Variants in ZBTB8B observed in about 807,000 individuals in gnomAD.
The protein encoded by ZBTB8B is zinc finger and BTB domain-containing protein 8B.
A neutral mutation model predicts 30.3 loss-of-function variants in ZBTB8B; 17 were observed. The observed-to-expected ratio is 0.56, with a 90% confidence interval of 0.38 to 0.84. The LOEUF is 0.84. ZBTB8B is among the 40% of genes least tolerant of loss of function. ZBTB8B has a pLI of 0.00. For missense variants in ZBTB8B, 515 were observed against 644.9 expected (o/e 0.80, Z 2.18); for synonymous variants, 248 against 255.6 (o/e 0.97, Z 0.28).
rs1260201449 is a variant in ZBTB8B, at chr1:32,490,971, G to A, written c.*5553G>A. The stretch of plus-strand genomic sequence containing the variant: ...ACATGGAAACTTCATAACTGAAGGA[G>A]AACATTTAGCATCCGTCTTGACCCT... On this transcript the variant is annotated 3_prime_UTR_variant, in exon 4 of 4. Coordinates refer to ENST00000609129, the MANE Select transcript of ZBTB8B (RefSeq NM_001145720.2). 1 of 152,186 alleles carries A rather than the reference G, an allele frequency of 6.6e-6. No individual in the cohort carries two copies. The highest frequency in any genetic ancestry group is 1.5e-5 in the Non-Finnish European group (1 of 68,040). The allele number at this position is 152,186 out of a possible 1,614,324, so 9.4% of individuals were successfully genotyped here.
chr1:32,489,083 C>T lies in ZBTB8B; in HGVS notation c.*3665C>T, dbSNP rs1009216060. On this transcript the variant is annotated 3_prime_UTR_variant, in exon 4 of 4. Coordinates refer to ENST00000609129, the MANE Select transcript of ZBTB8B (RefSeq NM_001145720.2). ...AAGTGCTGGGATTACAGGCGTGAGC[C>T]ACCGTGCCTGGCTGACCTTCATAAT... 1 of 152,272 alleles carries T rather than the reference C, an allele frequency of 6.6e-6. No individual in the cohort carries two copies. Among genetic ancestry groups the T allele is most frequent in the African/African-American group, 2.4e-5 (1 of 41,450 alleles). The allele number at this position is 152,272 out of a possible 1,614,324, so 9.4% of individuals were successfully genotyped here. A position where few individuals can be genotyped will look rare whatever the true frequency, so the allele number is the denominator to read the frequency against.
chr1:32,472,617 A>G (rs1391423357), intron 2 of ZBTB8B, among the ~76,000 whole-genome samples: 1 of 152,048 alleles, frequency 6.6e-6, no homozygotes, highest in Non-Finnish European at 1.5e-5. Context: ...TGATTGATTG[A>G]TTGATTGATT....
At position 32,486,506 on chromosome 1, in the gene ZBTB8B, A is replaced by G. The variant is rs2148187411; in HGVS notation, c.*1088A>G. 1 of 152,280 alleles carries G rather than the reference A, an allele frequency of 6.6e-6. No individual in the cohort carries two copies. Among genetic ancestry groups the G allele is most frequent in the Non-Finnish European group, 1.5e-5 (1 of 68,022 alleles). 9.4% of individuals were successfully genotyped at this position (152,280 alleles called of 1,614,324 possible). A position where few individuals can be genotyped will look rare whatever the true frequency, so the allele number is the denominator to read the frequency against. ...GAGGCAGGTCGGCACTTATATTTAT[A>G]CCCACTTTTAGTTACATGCAAATTA... is the stretch of plus-strand genomic sequence containing the variant. On this transcript the variant is annotated 3_prime_UTR_variant, in exon 4 of 4. Transcript: ENST00000609129.
At chr1:32,485,044 G>A (rs1184734976) in intron 3 of ZBTB8B, 57 bp from the exon 4 acceptor site, 1 of 1,518,620 alleles carries the variant, frequency 6.6e-7, no homozygotes, top group Middle Eastern at 1.7e-4. Context: ...ACGGGGCCTT[G>A]TGGAAAACAC....
rs1422156714 is a variant in ZBTB8B, at chr1:32,470,824, C to A, written c.200C>A (p.Ser67Tyr). ...GACAGCGGGCGGCATAGCACCGCCT[C>A]CTTGGACATTGTCACCTCTGATGCC... ...IQDSGRHSTASLDIVTSDAFS... is the reference protein window; with the variant it reads ...IQDSGRHSTAYLDIVTSDAFS... Residue 67 changes from serine (S) to tyrosine (Y), a missense_variant, in exon 2 of 4, where the codon TCC (serine) becomes TAC (tyrosine). Coordinates refer to ENST00000609129, the MANE Select transcript of ZBTB8B (RefSeq NM_001145720.2). 6.4e-7 allele frequency: 1 copy of A among 1,551,870 alleles called. No homozygotes were observed. The highest frequency in any genetic ancestry group is 8.7e-7 in the Non-Finnish European group (1 of 1,147,034).
In ZBTB8B at chr1:32,484,538, G is replaced by A. The variant is rs1459444221; in HGVS notation, c.1171-563G>A. Among the ~76,000 whole-genome samples, 2 of 152,120 alleles carry A rather than the reference G, an allele frequency of 1.3e-5. No individual in the cohort carries two copies. Among genetic ancestry groups the A allele is most frequent in the African/African-American group, 4.8e-5 (2 of 41,404 alleles). The stretch of plus-strand genomic sequence containing the variant: ...GGGGTAGAAAGAACCTTGGTAAGAT[G>A]AAGACTCATATGGTTTGGATCTCTG... On this transcript the variant is annotated intron_variant, in intron 3 of 3. Transcript: ENST00000609129. The surrounding 1 kb of genome is among the most constrained non-coding windows in gnomAD (Gnocchi z 4.5).
At position 32,465,331 on chromosome 1, in the gene ZBTB8B, T is replaced by C. The variant is rs1643563200; in HGVS notation, c.-42+226T>C. 6.6e-6 allele frequency among the ~76,000 whole-genome samples: 1 copy of C among 152,144 alleles called. No individual in the cohort carries two copies. The highest frequency in any genetic ancestry group is 6.5e-5 in the Admixed American group (1 of 15,284). The stretch of plus-strand genomic sequence containing the variant: ...CCGTGGGGCCCCAGCTTCCCTGTCA[T>C]TGGGTGTCCTCCGCGTCGTCCAGCC... On this transcript the variant is annotated intron_variant, in intron 1 of 3. Transcript: ENST00000609129. The surrounding 1 kb of genome is among the most constrained non-coding windows in gnomAD (Gnocchi z 4.1).
Position 32,480,959 on chromosome 1 carries a change from G to T in ZBTB8B, c.1060G>T (p.Gly354Cys). 6.4e-7 allele frequency: 1 copy of T among 1,552,184 alleles called. No individual in the cohort carries two copies. Among genetic ancestry groups the T allele is most frequent in the Non-Finnish European group, 8.7e-7 (1 of 1,147,154 alleles). Residue 354 changes from glycine to cysteine, a missense_variant, in exon 3 of 4, where the codon GGC (glycine) becomes TGC (cysteine). Around this residue, in one of 3 missense-constraint regions of ZBTB8B, gnomAD observed 429 missense variants for 504.3 expected, o/e 0.85. Coordinates refer to ENST00000609129, the MANE Select transcript of ZBTB8B (RefSeq NM_001145720.2). ...PFCPYTAKQK[G>C]ILKRHIRSHT... Reference sequence around the variant, plus strand: ...CTGCCCTTACACTGCCAAACAGAAGGGCATCCTCAAGCGGCACATCCGTTC... The same window carrying T: ...CTGCCCTTACACTGCCAAACAGAAGTGCATCCTCAAGCGGCACATCCGTTC...
At chr1:32,479,217 G>A (rs1409430153) in intron 2 of ZBTB8B, among the ~76,000 whole-genome samples, 1 of 152,102 alleles carries the variant, frequency 6.6e-6, no homozygotes, top group African/African-American at 2.4e-5. Flanking sequence ...AATATTGAAG[G>A]GCATGGATAG....
At chr1:32,467,338 G>A (rs999307757) in intron 1 of ZBTB8B, among the ~76,000 whole-genome samples, 19 of 145,420 alleles carry the variant, frequency 1.3e-4, no homozygotes, top group African/African-American at 4.3e-4. Flanking sequence ...CGCCTCCACC[G>A]CCTCCTGGGT....
chr1:32,469,212 A>G (rs372383762), intron 1 of ZBTB8B, among the ~76,000 whole-genome samples: 1 of 149,294 alleles, frequency 6.7e-6, no homozygotes, highest in Non-Finnish European at 1.5e-5. Context: ...AAAGAAAACC[A>G]GTTTCAGATT....
At chr1:32,475,872 C>T (rs1402380516) in intron 2 of ZBTB8B, among the ~76,000 whole-genome samples, 5 of 144,480 alleles carry the variant, frequency 3.5e-5, no homozygotes, top group Admixed American at 1.4e-4. Flanking sequence ...GGCTGGAGTA[C>T]GGTGGTGCCA....
intron 1 of ZBTB8B, among the ~76,000 whole-genome samples, chr1:32,466,759 A>T (rs1643573844): frequency 6.6e-6 from 1 of 152,188 alleles, no homozygotes; most frequent in South Asian, 2.1e-4. Flanking sequence ...CCAGTGAAAG[A>T]CGGAAGTGCC....
In ZBTB8B at chr1:32,474,377, A is replaced by G. The variant is rs1034808995; in HGVS notation, c.991+2762A>G. On this transcript the variant is annotated intron_variant, in intron 2 of 3. Transcript: ENST00000609129. ...AAAAAAAAAAAAAAAAAAAAAAAAA[A>G]AAAAATTGAAAAATTAGCCAGGCGT... 3.1e-3 allele frequency among the ~76,000 whole-genome samples: 425 copies of G among 137,838 alleles called. 2 individuals are homozygous for G. Among genetic ancestry groups the G allele is most frequent in the African/African-American group, 9.4e-3 (345 of 36,818 alleles). 90.4% of individuals were successfully genotyped at this position (137,838 alleles called of 152,430 possible).
chr1:32,483,257 A>C lies in ZBTB8B; in HGVS notation c.1171-1844A>C, dbSNP rs373859768. Among the ~76,000 whole-genome samples the C allele has an allele frequency of 6.6e-3, 957 of 145,364 alleles. 13 individuals carry two copies. The highest frequency in any genetic ancestry group is 0.021 in the Middle Eastern group (6 of 284). On this transcript the variant is annotated intron_variant, in intron 3 of 3. Coordinates refer to ENST00000609129, the MANE Select transcript of ZBTB8B (RefSeq NM_001145720.2). ...CTACTAAAAATCCAAAAAAAAAAAA[A>C]AAAAAAAAAAAAAAAAAATTAGCCA... is the stretch of plus-strand genomic sequence containing the variant.
rs1643697812 is a variant in ZBTB8B, at chr1:32,480,777, T to C, written c.992-114T>C. The C allele has an allele frequency of 3.0e-6, 3 of 1,009,476 alleles. No individual in the cohort carries two copies. The East Asian group carries it at 8.2e-5, about 28-fold the overall frequency. The allele number at this position is 1,009,476 out of a possible 1,614,324, so 62.5% of individuals were successfully genotyped here. A position where few individuals can be genotyped will look rare whatever the true frequency, so the allele number is the denominator to read the frequency against. ...TTGGCTGGTGGCGGAGTTGGTGTCCTCCTCTTCTATCTGGGCTGGTGGAAT... is the reference window on the plus strand; with the variant it reads ...TTGGCTGGTGGCGGAGTTGGTGTCCCCCTCTTCTATCTGGGCTGGTGGAAT... On this transcript the variant is annotated intron_variant, in intron 2 of 3. Coordinates refer to ENST00000609129, the MANE Select transcript of ZBTB8B (RefSeq NM_001145720.2).
At chr1:32,483,010 T>G (rs935035323) in intron 3 of ZBTB8B, among the ~76,000 whole-genome samples, 1 of 151,844 alleles carries the variant, frequency 6.6e-6, no homozygotes, top group Non-Finnish European at 1.5e-5. Flanking sequence ...GCCTCTTGCT[T>G]GCACCCAGAG....
chr1:32,467,910 C>T lies in ZBTB8B; in HGVS notation c.-41-2674C>T, dbSNP rs573111230. Among the ~76,000 whole-genome samples, 34 of 151,846 alleles carry T rather than the reference C, an allele frequency of 2.2e-4. No homozygotes were observed. The South Asian group carries it at 3.5e-3, about 16-fold the overall frequency. ...GGCAGATCACTTGAGGCCAGGAGTTCGAGACCAGCCTGGGCAACATGGCAA... is the reference window on the plus strand; with the variant it reads ...GGCAGATCACTTGAGGCCAGGAGTTTGAGACCAGCCTGGGCAACATGGCAA... On this transcript the variant is annotated intron_variant, in intron 1 of 3. Transcript: ENST00000609129.
At chr1:32,480,851 T>C in intron 2 of ZBTB8B, 40 bp from the exon 3 acceptor site, 1 of 1,521,316 alleles carries the variant, frequency 6.6e-7, no homozygotes, top group Middle Eastern at 1.7e-4. Context: ...GGTTGGTCAC[T>C]GCATACAGCA....
Sources: gnomAD v4.1 joint callset for allele counts (sites outside exome capture counted in the v4.1 genomes callset) on GRCh38, gnomAD v4.1.1 for gene constraint, gnomAD v4.1.1 regional missense constraint, Gnocchi (gnomAD v3.1) non-coding constraint, MANE v1.5 for transcripts, NCBI Gene and HGNC (gene_info 2026-07-23, HGNC 2026-07-21) for gene names.